FMNL3: variants seen among roughly 807,000 people sequenced by gnomAD.
The protein encoded by FMNL3 is formin like 3.
A neutral mutation model predicts 119.6 loss-of-function variants in FMNL3; 57 were observed. That is an observed-to-expected ratio of 0.48 (90% CI 0.39 to 0.59). FMNL3 has a LOEUF of 0.59. FMNL3 is among the 20% of genes least tolerant of loss of function. The pLI is 0.00. For missense variants in FMNL3, 1,053 were observed against 1,323.5 expected, an observed-to-expected ratio of 0.80 and a Z score of 3.17; for synonymous variants, 491 against 507.3, an observed-to-expected ratio of 0.97 and a Z score of 0.43.
Position 49,651,440 on chromosome 12 carries a change from G to T in FMNL3, c.1614C>A (p.Pro538=). 1 of 1,474,650 alleles carries T rather than the reference G, an allele frequency of 6.8e-7. No homozygotes were observed. Among genetic ancestry groups the T allele is most frequent in the Non-Finnish European group, 9.0e-7 (1 of 1,108,344 alleles). The allele number at this position is 1,474,650 out of a possible 1,614,324, so 91.3% of individuals were successfully genotyped here. Residue 538 remains proline, a synonymous_variant, in exon 15 of 26, where the codon CCC becomes CCA. Transcript: ENST00000335154. ...PPPPPLPDKC[P]PAPPLPGAAP... is the part of the protein sequence containing the mutation. ...CAGCACCAGGGAGAGGTGGGGCTGG[G>T]GGACACTTGTCTGGGGGAAGAAGAA...
rs1003438718 is a variant in FMNL3, at chr12:49,697,850, G to A, written c.126+9205C>T. 2.6e-5 allele frequency among the ~76,000 whole-genome samples: 4 copies of A among 151,156 alleles called. No individual in the cohort carries two copies. In the East Asian group the frequency reaches 5.8e-4, roughly 22 times the overall value. On this transcript the variant is annotated intron_variant, in intron 1 of 25. Transcript: ENST00000335154. ...AAAGTTACAGGATTTGCCTAAAGTC[G>A]TGCAGCTGAAAAAAAAAAAGACTAT... is the stretch of plus-strand genomic sequence containing the variant.
intron 1 of FMNL3, among the ~76,000 whole-genome samples, chr12:49,680,544 G>A (rs1592679811): frequency 6.6e-6 from 1 of 152,308 alleles, no homozygotes; most frequent in East Asian, 1.9e-4. Context: ...GCTAGAACTT[G>A]ACATAGAGGT....
At position 49,643,842 on chromosome 12, in the gene FMNL3, G is replaced by C; in HGVS notation, c.*1973C>G. On this transcript the variant is annotated 3_prime_UTR_variant, in exon 26 of 26. Transcript: ENST00000335154. Reference sequence around the variant, plus strand: ...GGCTATCCACAGGAACTGAGGAGGTGGGCTCTGGACTCTTACAGAATAGTC... The same window carrying C: ...GGCTATCCACAGGAACTGAGGAGGTCGGCTCTGGACTCTTACAGAATAGTC... The C allele has an allele frequency of 1.2e-6, 2 of 1,614,126 alleles. No individual in the cohort carries two copies. The highest frequency in any genetic ancestry group is 1.7e-6 in the Non-Finnish European group (2 of 1,179,996).
chr12:49,648,122 G>C, intron 22 of FMNL3, 71 bp downstream of exon 22: 1 of 1,393,926 alleles, frequency 7.2e-7, no homozygotes, highest in African/African-American at 1.5e-5. Context: ...AAAAAAAATA[G>C]AACTAGGGCC....
intron 11 of FMNL3, 148 bp from the exon 12 acceptor site, chr12:49,654,022 G>T (rs1190204437): frequency 1.6e-6 from 2 of 1,282,680 alleles, no homozygotes; most frequent in East Asian, 2.5e-5. Context: ...CGCCCCCATG[G>T]AGCTGCCTGA....
chr12:49,637,146 C>T lies in FMNL3; in HGVS notation c.*8669G>A. 1.7e-6 allele frequency: 1 copy of T among 574,748 alleles called. No individual in the cohort carries two copies. Among genetic ancestry groups the T allele is most frequent in the Non-Finnish European group, 3.1e-6 (1 of 323,558 alleles). The allele number at this position is 574,748 out of a possible 1,614,324, so 35.6% of individuals were successfully genotyped here. ...TTATTTCCCTTGGTGGGGCACCCGACAGGCAGAGTTTATTCCCTCAGCTTG... is the reference window on the plus strand; with the variant it reads ...TTATTTCCCTTGGTGGGGCACCCGATAGGCAGAGTTTATTCCCTCAGCTTG... On this transcript the variant is annotated 3_prime_UTR_variant, in exon 26 of 26. Transcript: ENST00000335154.
intron 4 of FMNL3, among the ~76,000 whole-genome samples, chr12:49,664,153 C>A (rs1423671154): frequency 6.6e-6 from 1 of 152,206 alleles, no homozygotes; most frequent in Non-Finnish European, 1.5e-5. Context: ...AAGGCAGAGG[C>A]AGAATGGCTT....
chr12:49,706,222 A>G (rs1268621212), intron 1 of FMNL3, among the ~76,000 whole-genome samples: 1 of 152,194 alleles, frequency 6.6e-6, no homozygotes, highest in Non-Finnish European at 1.5e-5. Context: ...TCAATGTCCA[A>G]TTCCCACACC....
intron 1 of FMNL3, among the ~76,000 whole-genome samples, chr12:49,698,196 C>T (rs1018581341): frequency 2.6e-5 from 4 of 152,132 alleles, no homozygotes; most frequent in African/African-American, 7.2e-5. Flanking sequence ...AAACAAAGTA[C>T]GTATCTTCCC....
chr12:49,671,537 G>A (rs1944046351), intron 1 of FMNL3, among the ~76,000 whole-genome samples: 1 of 152,216 alleles, frequency 6.6e-6, no homozygotes, highest in African/African-American at 2.4e-5. Context: ...CCTGCCAAGG[G>A]GGCATAAACC....
rs1944124667 is a variant in FMNL3, at chr12:49,674,275, G to A, written c.127-5721C>T. On this transcript the variant is annotated intron_variant, in intron 1 of 25. Coordinates refer to ENST00000335154, the MANE Select transcript of FMNL3 (RefSeq NM_175736.5). Reference sequence around the variant, plus strand: ...AAAGATCTATATCCTGTGGCAGAAAGGAAATCACAGAACAGTCAATAACAC... The same window carrying A: ...AAAGATCTATATCCTGTGGCAGAAAAGAAATCACAGAACAGTCAATAACAC... 2.6e-5 allele frequency among the ~76,000 whole-genome samples: 4 copies of A among 152,228 alleles called. No homozygotes were observed. The South Asian group carries it at 8.3e-4, about 32-fold the overall frequency.
At chr12:49,653,581 A>T in intron 12 of FMNL3, 144 bp downstream of exon 12, 1 of 1,211,802 alleles carries the variant, frequency 8.3e-7, no homozygotes, top group Non-Finnish European at 1.2e-6. Context: ...CCAGTGGCTC[A>T]GGCCTGAGTA....
intron 6 of FMNL3, among the ~76,000 whole-genome samples, chr12:49,658,187 G>T (rs571619053): frequency 2.0e-5 from 3 of 152,182 alleles, no homozygotes; most frequent in Admixed American, 6.5e-5. Flanking sequence ...CCCCAGAGAG[G>T]GGTGAGGAAT....
In FMNL3 at chr12:49,648,962, T is replaced by C. The variant is rs1023743686; in HGVS notation, c.2515+67A>G. 1.8e-5 allele frequency: 28 copies of C among 1,523,916 alleles called. 1 individual carries two copies. In the Middle Eastern group the frequency reaches 7.2e-4, roughly 39 times the overall value. The allele number at this position is 1,523,916 out of a possible 1,614,324, so 94.4% of individuals were successfully genotyped here. A position where few individuals can be genotyped will look rare whatever the true frequency, so the allele number is the denominator to read the frequency against. On this transcript the variant is annotated intron_variant, in intron 21 of 25. Transcript: ENST00000335154. ...AAATGGACCCAAGTGTTCTCTCTCC[T>C]CATAGCTTCCTGGGATTGTCCTGGG... is the stretch of plus-strand genomic sequence containing the variant.
intron 2 of FMNL3, among the ~76,000 whole-genome samples, chr12:49,667,100 A>T (rs1943913026): frequency 1.3e-5 from 2 of 152,156 alleles, no homozygotes; most frequent in South Asian, 4.1e-4. Context: ...GTCCTACTTT[A>T]GGCCAACCCC....
chr12:49,671,864 T>C lies in FMNL3; in HGVS notation c.127-3310A>G, dbSNP rs970779526. 3.3e-5 allele frequency among the ~76,000 whole-genome samples: 5 copies of C among 152,270 alleles called. No homozygotes were observed. The South Asian group carries it at 8.3e-4, about 25-fold the overall frequency. On this transcript the variant is annotated intron_variant, in intron 1 of 25. Transcript: ENST00000335154. The stretch of plus-strand genomic sequence containing the variant: ...CCCTTGCTGAGCAGAAAGGAGGCAG[T>C]GGCTGTCTTGGAAAGGAGAGGGCAC...
intron 1 of FMNL3, among the ~76,000 whole-genome samples, chr12:49,681,567 A>T (rs573140906): frequency 6.6e-6 from 1 of 151,410 alleles, no homozygotes; most frequent in Non-Finnish European, 1.5e-5. Context: ...GTTACTTTTC[A>T]CGAGACAGTC....
chr12:49,644,010 G>C lies in FMNL3; in HGVS notation c.*1805C>G, dbSNP rs760210737. ...TTGGAATCAAGAAGGAGAAGGTGAG[G>C]GGCAGGGGCCCTAGGCCAGTCAGCA... On this transcript the variant is annotated 3_prime_UTR_variant, in exon 26 of 26. Transcript: ENST00000335154. 3 of 1,613,996 alleles carry C rather than the reference G, an allele frequency of 1.9e-6. No homozygotes were observed. The highest frequency in any genetic ancestry group is 2.5e-6 in the Non-Finnish European group (3 of 1,180,004).
At chr12:49,679,887 C>G (rs1944292369) in intron 1 of FMNL3, among the ~76,000 whole-genome samples, 1 of 152,196 alleles carries the variant, frequency 6.6e-6, no homozygotes, top group South Asian at 2.1e-4. Flanking sequence ...TGCGATAACT[C>G]TTGTATTTAC....
Sources: allele counts gnomAD v4.1 joint callset (sites outside exome capture counted in the v4.1 genomes callset), GRCh38; gene constraint gnomAD v4.1.1; transcripts MANE v1.5; gene names NCBI Gene and HGNC (gene_info 2026-07-23, HGNC 2026-07-21).